The following TEF variants were observed in gnomAD, a reference collection of about 807,000 sequenced individuals.
TEF encodes thyrotroph embryonic factor.
TEF carries 3 observed loss-of-function variants against 20.8 expected under a neutral mutation model. The ratio of observed to expected loss-of-function variants is 0.14; its 90% CI spans 0.07 to 0.37. The LOEUF is 0.37. TEF is among the 10% of genes least tolerant of loss of function. The pLI, the probability that TEF is intolerant of heterozygous loss-of-function variation, is 1.00. For synonymous variants in TEF, 180 were observed against 171.1 expected, an observed-to-expected ratio of 1.05 and a Z score of -0.41; for missense variants, 296 against 397.9, an observed-to-expected ratio of 0.74 and a Z score of 2.18.
chr22:41,370,360 G>A (rs1035347461), intron 1 of TEF, among the ~76,000 whole-genome samples: 13 of 148,038 alleles, frequency 8.8e-5, no homozygotes, highest in Non-Finnish European at 1.2e-4. Flanking sequence ...TGATCCGCCC[G>A]CCTCAGCCTC....
chr22:41,372,574 G>A (rs561503798), intron 1 of TEF, among the ~76,000 whole-genome samples: 27 of 152,214 alleles, frequency 1.8e-4, no homozygotes, highest in African/African-American at 6.0e-4. Context: ...CACCAGGCTC[G>A]TGTCTACCCA....
intron 2 of TEF, among the ~76,000 whole-genome samples, chr22:41,388,578 C>CAA (rs10717641): frequency 2.6e-5 from 3 of 116,412 alleles, no homozygotes; most frequent in Non-Finnish European, 3.7e-5. Context: ...GACGCCATCT[C>CAA]AAAAAAAAAA....
At chr22:41,378,327 C>G (rs953977289), upstream of TEF, among the ~76,000 whole-genome samples, 2 of 148,630 alleles carry the variant, frequency 1.3e-5, no homozygotes, top group African/African-American at 2.5e-5. Flanking sequence ...CGCCACCACG[C>G]CCAGCTAACT....
intron 1 of TEF, among the ~76,000 whole-genome samples, chr22:41,372,721 T>C (rs2145962192): frequency 6.6e-6 from 1 of 152,116 alleles, no homozygotes; most frequent in Middle Eastern, 3.4e-3. Flanking sequence ...CTTGCTCCCC[T>C]GGTGTTTGGA....
At chr22:41,378,346 T>A (rs1254970030), upstream of TEF, among the ~76,000 whole-genome samples, 1 of 85,834 alleles carries the variant, frequency 1.2e-5, no homozygotes, top group South Asian at 4.8e-4. Flanking sequence ...CTTTTGCCTT[T>A]TTTTTTTTTT....
At position 41,382,214 on chromosome 22, in the gene TEF, G is replaced by A. The variant is rs757038008; in HGVS notation, c.157+13G>A. 4.9e-6 allele frequency: 6 copies of A among 1,230,320 alleles called. No homozygotes were observed. The highest frequency in any genetic ancestry group is 4.2e-5 in the Admixed American group (1 of 23,798). The allele number at this position is 1,230,320 out of a possible 1,614,324, so 76.2% of individuals were successfully genotyped here. Reference sequence around the variant, plus strand: ...GAGGCGCGCCTCGGTGAGGGCGGGGGGGTGGTCCGCGCGGGCTGGGGGCGG... The same window carrying A: ...GAGGCGCGCCTCGGTGAGGGCGGGGAGGTGGTCCGCGCGGGCTGGGGGCGG... On this transcript the variant is annotated intron_variant, in intron 1 of 3. Transcript: ENST00000266304.
At chr22:41,386,716 C>G (rs887697205) in intron 1 of TEF, among the ~76,000 whole-genome samples, 3 of 151,682 alleles carry the variant, frequency 2.0e-5, no homozygotes, top group Non-Finnish European at 2.9e-5. Context: ...GTAAGCCAGC[C>G]GAAGCAACAA....
At chr22:41,382,767 C>T (rs1409863039) in intron 1 of TEF, among the ~76,000 whole-genome samples, 1 of 150,984 alleles carries the variant, frequency 6.6e-6, no homozygotes, top group Non-Finnish European at 1.5e-5. Context: ...TGTTGCGGGG[C>T]TTCTGCTGAG....
intron 1 of TEF, among the ~76,000 whole-genome samples, chr22:41,375,211 A>G (rs965701487): frequency 6.6e-6 from 1 of 152,220 alleles, no homozygotes; most frequent in Admixed American, 6.5e-5. Flanking sequence ...ACAGGAAACT[A>G]GCACTTTTGA....
chr22:41,381,554 A>G (rs9607799), upstream of TEF, among the ~76,000 whole-genome samples: 34,974 of 152,102 alleles, frequency 0.23, 4,593 homozygotes, highest in Admixed American at 0.4. Context: ...GGAAGGTTGC[A>G]AGTCGGGGAC....
intron 2 of TEF, among the ~76,000 whole-genome samples, chr22:41,392,996 G>C (rs1377549313): frequency 1.3e-5 from 2 of 151,644 alleles, no homozygotes; most frequent in Non-Finnish European, 2.9e-5. Context: ...GATTGCACCA[G>C]TGCACTCTAC....
In TEF at chr22:41,396,884, C is replaced by A; in HGVS notation, c.*924C>A. The A allele has an allele frequency of 5.0e-6, 2 of 398,514 alleles. No homozygotes were observed. The allele number at this position is 398,514 out of a possible 1,614,324, so 24.7% of individuals were successfully genotyped here. ...ATCTAGGAGGCTTTAACTTCCTGGA[C>A]CCCAGGATTCACCTTCCTAGTGGTG... On this transcript the variant is annotated 3_prime_UTR_variant, in exon 4 of 4. Transcript: ENST00000266304.
chr22:41,395,678 G>A, intron 3 of TEF, 67 bp from the exon 4 acceptor site: 1 of 1,510,986 alleles, frequency 6.6e-7, no homozygotes, highest in Admixed American at 1.8e-5. Flanking sequence ...TCCAGGTGGT[G>A]GGAGTGGAAA....
chr22:41,367,656 G>T, intron 1 of TEF: 1 of 1,522,524 alleles, frequency 6.6e-7, no homozygotes, highest in South Asian at 1.2e-5. Flanking sequence ...GGGGGCGAGG[G>T]GGCAGCCACA....
At chr22:41,375,835 G>A (rs1268244611) in intron 1 of TEF, among the ~76,000 whole-genome samples, 2 of 152,124 alleles carry the variant, frequency 1.3e-5, no homozygotes, top group Admixed American at 6.6e-5. Context: ...TTTACTGATA[G>A]GGTGGGGATT....
chr22:41,380,381 C>G (rs971851334), upstream of TEF, among the ~76,000 whole-genome samples: 1 of 152,214 alleles, frequency 6.6e-6, no homozygotes, highest in Non-Finnish European at 1.5e-5. Flanking sequence ...GTCTCGAACT[C>G]CTGACCTCAG....
intron 2 of TEF, among the ~76,000 whole-genome samples, chr22:41,393,175 T>TA (rs1263571882): frequency 6.6e-6 from 1 of 151,306 alleles, no homozygotes; most frequent in African/African-American, 2.4e-5. Context: ...ACCCTGTCTC[T>TA]AAAAAATAAA....
chr22:41,382,536 G>A (rs73885791), intron 1 of TEF, among the ~76,000 whole-genome samples: 2,153 of 152,200 alleles, frequency 0.014, 53 homozygotes, highest in African/African-American at 0.05. Context: ...TAAATTGCTG[G>A]TTCCTGCGCC....
chr22:41,398,880 A>G lies in TEF; in HGVS notation c.*2920A>G, dbSNP rs988966077. On this transcript the variant is annotated 3_prime_UTR_variant, in exon 4 of 4. Transcript: ENST00000266304. ...CGGGAGCCGTGCTCCTTGGAACGCA[A>G]AGGGCCGAGGAGCATCTGGTTTTCA... The G allele has an allele frequency of 6.6e-6, 1 of 152,654 alleles. No homozygotes were observed. The highest frequency in any genetic ancestry group is 2.4e-5 in the African/African-American group (1 of 41,458). 9.5% of individuals were successfully genotyped at this position (152,654 alleles called of 1,614,324 possible). A position where few individuals can be genotyped will look rare whatever the true frequency, so the allele number is the denominator to read the frequency against.
Sources: gnomAD v4.1 joint callset for allele counts (sites outside exome capture counted in the v4.1 genomes callset) on GRCh38, gnomAD v4.1.1 for gene constraint, MANE v1.5 for transcripts, NCBI Gene and HGNC (gene_info 2026-07-23, HGNC 2026-07-21) for gene names.